Variants in UGT2B4 observed in about 807,000 individuals in gnomAD.
UGT2B4 encodes the protein UDP glucuronosyltransferase family 2 member B4, also known as UDP-glucuronosyltransferase 2B4.
A neutral mutation model predicts 49.8 loss-of-function variants in UGT2B4; 49 were observed. The ratio of observed to expected loss-of-function variants is 0.98; its 90% CI spans 0.78 to 1.25. The LOEUF is 1.25. Ranked by LOEUF, UGT2B4 falls within the 50% of genes most tolerant of loss-of-function variation. UGT2B4 has a pLI of 0.00. For missense variants in UGT2B4, 729 were observed against 627.7 expected, an observed-to-expected ratio of 1.16 and a Z score of -1.73; for synonymous variants, 246 against 217.7, an observed-to-expected ratio of 1.13 and a Z score of -1.14.
intron 3 of UGT2B4, among the ~76,000 whole-genome samples, chr4:69,487,981 A>T (rs1201827982): frequency 1.3e-5 from 2 of 152,116 alleles, no homozygotes; most frequent in African/African-American, 4.8e-5. Flanking sequence ...AGTCATTTTA[A>T]CAGAGTTTGA....
At chr4:69,490,046 C>T (rs1039009547) in intron 2 of UGT2B4, among the ~76,000 whole-genome samples, 1 of 152,072 alleles carries the variant, frequency 6.6e-6, no homozygotes, top group Non-Finnish European at 1.5e-5. Context: ...AAGTTACTCA[C>T]AGCTGGGATT....
At chr4:69,525,041 G>A (rs1199812560) in intron 1 of UGT2B4, among the ~76,000 whole-genome samples, 1 of 152,144 alleles carries the variant, frequency 6.6e-6, no homozygotes, top group Non-Finnish European at 1.5e-5. Context: ...TTAAAAATTG[G>A]TTGAAATTGG....
chr4:69,523,882 T>A (rs1050354369), intron 1 of UGT2B4, among the ~76,000 whole-genome samples: 1 of 152,164 alleles, frequency 6.6e-6, no homozygotes, highest in African/African-American at 2.4e-5. Flanking sequence ...AATTTCTACA[T>A]CAGCACCTGC....
At chr4:69,510,619 T>C (rs779773410) in intron 1 of UGT2B4, among the ~76,000 whole-genome samples, 1 of 152,164 alleles carries the variant, frequency 6.6e-6, no homozygotes, top group Non-Finnish European at 1.5e-5. Flanking sequence ...TAATTCCTTT[T>C]TCTAATTATT....
At chr4:69,489,767 T>C (rs1727925636) in intron 2 of UGT2B4, among the ~76,000 whole-genome samples, 197 bp from the exon 3 acceptor site, 1 of 152,030 alleles carries the variant, frequency 6.6e-6, no homozygotes, top group Admixed American at 6.6e-5. Flanking sequence ...TTAAGGGTCT[T>C]TGTGTAAATA....
At chr4:69,491,897 A>G (rs41297365) in intron 2 of UGT2B4, among the ~76,000 whole-genome samples, 219 of 152,174 alleles carry the variant, frequency 1.4e-3, no homozygotes, top group African/African-American at 4.8e-3. Context: ...GATTTTAACC[A>G]TGGAATAAAA....
At chr4:69,508,170 G>A (rs560146613) in intron 1 of UGT2B4, among the ~76,000 whole-genome samples, 2 of 152,108 alleles carry the variant, frequency 1.3e-5, no homozygotes, top group African/African-American at 4.8e-5. Flanking sequence ...AGTTAGAATG[G>A]CTATTATTAA....
At chr4:69,483,066 A>C (rs375418413) in intron 5 of UGT2B4, among the ~76,000 whole-genome samples, 2 of 152,122 alleles carry the variant, frequency 1.3e-5, no homozygotes, top group African/African-American at 4.8e-5. Flanking sequence ...TTATACATAT[A>C]TTTTCCTATA....
chr4:69,493,159 C>T (rs1241476545), intron 2 of UGT2B4, among the ~76,000 whole-genome samples: 1 of 151,900 alleles, frequency 6.6e-6, no homozygotes, highest in Non-Finnish European at 1.5e-5. Flanking sequence ...TTTTTCTCTT[C>T]TTCATTCTTT....
At chr4:69,494,035 A>G (rs2109813272) in intron 1 of UGT2B4, among the ~76,000 whole-genome samples, 194 bp from the exon 2 acceptor site, 1 of 152,256 alleles carries the variant, frequency 6.6e-6, no homozygotes, top group East Asian at 1.9e-4. Flanking sequence ...TATTTACAAG[A>G]AAGGCAAAGT....
intron 1 of UGT2B4, among the ~76,000 whole-genome samples, chr4:69,505,144 A>G (rs1728436080): frequency 6.6e-6 from 1 of 152,226 alleles, no homozygotes; most frequent in Admixed American, 6.5e-5. Context: ...TGCTAGTGAC[A>G]CTATAAATCA....
intron 1 of UGT2B4, among the ~76,000 whole-genome samples, chr4:69,512,837 A>C (rs28885673): frequency 0.35 from 53,455 of 152,044 alleles, 9,486 homozygotes; most frequent in Non-Finnish European, 0.37. Context: ...TAACGATCAA[A>C]AAAGTTGAGC....
intron 1 of UGT2B4, among the ~76,000 whole-genome samples, chr4:69,515,575 A>T (rs1199394604): frequency 6.6e-6 from 1 of 152,156 alleles, no homozygotes; most frequent in Non-Finnish European, 1.5e-5. Flanking sequence ...TCAAGTTAAT[A>T]ACCTAACATC....
upstream of UGT2B4, among the ~76,000 whole-genome samples, chr4:69,497,455 A>G (rs1728196903): frequency 6.6e-6 from 1 of 152,212 alleles, no homozygotes; most frequent in East Asian, 1.9e-4. Context: ...GTTGCAAAAC[A>G]TAATGTCTCA....
chr4:69,489,455 G>T lies in UGT2B4; in HGVS notation c.986C>A (p.Ala329Asp). The change falls in exon 3 of 6, where the codon GCC becomes GAC. Residue 329 changes from alanine to aspartate, a missense_variant. Coordinates refer to ENST00000305107, the MANE Select transcript of UGT2B4 (RefSeq NM_021139.3). Reference protein sequence around the residue: ...ERANVIASALAKIPQKVLWRF... With the variant: ...ERANVIASALDKIPQKVLWRF... ...TTATCTTACCTTTTGTGGGATCTTG[G>T]CAAGGGCTGATGCAATTACATTGGC... The T allele has an allele frequency of 1.2e-6, 2 of 1,610,922 alleles. No homozygotes were observed. The highest frequency in any genetic ancestry group is 1.7e-6 in the Non-Finnish European group (2 of 1,178,168).
At chr4:69,502,138 T>TTTC (rs1491031545) in intron 1 of UGT2B4, among the ~76,000 whole-genome samples, 10 of 138,072 alleles carry the variant, frequency 7.2e-5, no homozygotes, top group South Asian at 2.4e-4. Context: ...TCTTTCTTTC[T>TTTC]TTCTTTCTTT....
chr4:69,495,153 T>A lies in UGT2B4; in HGVS notation c.709A>T (p.Ser237Cys). 1 of 1,560,202 alleles carries A rather than the reference T, an allele frequency of 6.4e-7. No individual in the cohort carries two copies. Among genetic ancestry groups the A allele is most frequent in the South Asian group, 1.3e-5 (1 of 79,920 alleles). Residue 237 changes from serine (S) to cysteine (C), a missense_variant, in exon 1 of 6, where the codon AGT (serine) becomes TGT (cysteine). Physicochemically the swap from Ser to Cys is moderately radical, Grantham distance 112. Coordinates refer to ENST00000305107, the MANE Select transcript of UGT2B4 (RefSeq NM_021139.3). ...FDMKKWDQFY[S>C]EVLGRPTTLS... ...AAAAGTTACTTACCTAGAACTTCAC[T>A]GTAGAACTGATCCCACTTCTTCATG...
At position 69,512,077 on chromosome 4, in the gene UGT2B4, C is replaced by CA. The variant is rs745634503; in HGVS notation, c.-106+13609dup. Among the ~76,000 whole-genome samples the CA allele has an allele frequency of 2.5e-3, 377 of 148,782 alleles. 4 individuals carry two copies. The highest frequency in any genetic ancestry group is 0.018 in the East Asian group (93 of 5,112). Reference sequence around the variant, plus strand: ...TAGCTATTTGAAAATTTTATCTTTTCAAAAAAAAACCTCATCTTAGATTTG... The same window carrying CA: ...TAGCTATTTGAAAATTTTATCTTTTCAAAAAAAAAACCTCATCTTAGATTTG... On this transcript the variant is annotated intron_variant, in intron 1 of 1. Coordinates refer to the UGT2B4 transcript ENST00000510114.
chr4:69,514,626 T>C (rs1293588084), intron 1 of UGT2B4, among the ~76,000 whole-genome samples: 1 of 152,208 alleles, frequency 6.6e-6, no homozygotes, highest in African/African-American at 2.4e-5. Flanking sequence ...TATTTTGAGA[T>C]AGGTTCCCTC....
Sources: gnomAD v4.1 joint callset for allele counts (sites outside exome capture counted in the v4.1 genomes callset) on GRCh38, gnomAD v4.1.1 for gene constraint, MANE v1.5 for transcripts, NCBI Gene and HGNC (gene_info 2026-07-23, HGNC 2026-07-21) for gene names.